NSL1: variants seen among roughly 807,000 people sequenced by gnomAD.
The protein encoded by NSL1 is NSL1 component of MIS12 kinetochore complex.
In NSL1, 11 loss-of-function variants were observed where a neutral mutation model predicts 25.4. That is an observed-to-expected ratio of 0.43 (90% CI 0.27 to 0.72). The LOEUF is 0.72. Among genes scored for constraint, NSL1 ranks in the 30% least tolerant of loss-of-function variants. The probability of loss-of-function intolerance (pLI) is 0.19; values close to 1 mark genes in which losing one functional copy is unlikely to be tolerated. For synonymous variants in NSL1, 118 were observed against 120.6 expected, an observed-to-expected ratio of 0.98 and a Z score of 0.14; for missense variants, 330 against 342.7, an observed-to-expected ratio of 0.96 and a Z score of 0.29.
intron 3 of NSL1, among the ~76,000 whole-genome samples, chr1:212,782,741 A>G (rs940576053): frequency 2.6e-5 from 4 of 152,212 alleles, no homozygotes; most frequent in Non-Finnish European, 5.9e-5. Flanking sequence ...GTAGTCTCCA[A>G]TTATGAAGGG....
At chr1:212,757,989 A>G (rs1659392727) in intron 4 of NSL1, among the ~76,000 whole-genome samples, 1 of 152,230 alleles carries the variant, frequency 6.6e-6, no homozygotes, top group Admixed American at 6.5e-5. Context: ...ATCATGCAAT[A>G]TATCATAATA....
intron 1 of NSL1, among the ~76,000 whole-genome samples, chr1:212,790,225 C>T (rs1368654164): frequency 6.6e-6 from 1 of 152,124 alleles, no homozygotes; most frequent in Non-Finnish European, 1.5e-5. Flanking sequence ...GACGGGGTTT[C>T]ACCATGTTAG....
At chr1:212,743,790 T>A (rs1658618211) in intron 4 of NSL1, among the ~76,000 whole-genome samples, 1 of 152,128 alleles carries the variant, frequency 6.6e-6, no homozygotes, top group African/African-American at 2.4e-5. Flanking sequence ...GCAAGTGAAA[T>A]CTGGTAGGAG....
rs575746203 is a variant in NSL1, at chr1:212,786,638, T to C, written c.313+921A>G. On this transcript the variant is annotated intron_variant, in intron 2 of 5. Transcript: ENST00000366977. Reference sequence around the variant, plus strand: ...GCCTGGCCAACATGGTAAAACCCCATCTCTGTTAAAAATACAAAAATGAGC... The same window carrying C: ...GCCTGGCCAACATGGTAAAACCCCACCTCTGTTAAAAATACAAAAATGAGC... 7.4e-4 allele frequency among the ~76,000 whole-genome samples: 113 copies of C among 152,112 alleles called. 1 individual carries two copies. Among genetic ancestry groups the C allele is most frequent in the African/African-American group, 2.7e-3 (112 of 41,494 alleles).
chr1:212,755,343 T>G (rs1003361770), intron 4 of NSL1, among the ~76,000 whole-genome samples: 4 of 150,900 alleles, frequency 2.7e-5, no homozygotes, highest in African/African-American at 4.9e-5. Context: ...AATATAGGAG[T>G]CCTCAGATAA....
intron 4 of NSL1, among the ~76,000 whole-genome samples, chr1:212,779,704 C>T (rs1412270666): frequency 9.4e-6 from 1 of 106,340 alleles, no homozygotes; most frequent in African/African-American, 3.5e-5. Flanking sequence ...CCCCACTGCC[C>T]GGCCAGCCGC....
chr1:212,743,344 T>C (rs1457903397), intron 4 of NSL1, among the ~76,000 whole-genome samples: 1 of 152,136 alleles, frequency 6.6e-6, no homozygotes, highest in Non-Finnish European at 1.5e-5. Flanking sequence ...TTTGCATTTT[T>C]AGTAGAGACA....
Position 212,728,959 on chromosome 1 carries a change from GA to G in NSL1, c.*9448del. 2.0e-6 allele frequency: 2 copies of G among 985,260 alleles called. No homozygotes were observed. Among genetic ancestry groups the G allele is most frequent in the Non-Finnish European group, 2.4e-6 (2 of 829,876 alleles). 61.0% of individuals were successfully genotyped at this position (985,260 alleles called of 1,614,324 possible). ...ACGTTTGTTCCCTTTGAATATGAAA[GA>G]AAAAGAAATGAGGAGTAATTTTAGT... On this transcript the variant is annotated 3_prime_UTR_variant, in exon 6 of 6. Coordinates refer to ENST00000366977, the MANE Select transcript of NSL1 (RefSeq NM_015471.4).
chr1:212,762,736 G>A (rs1207987111), intron 4 of NSL1, among the ~76,000 whole-genome samples: 2 of 152,200 alleles, frequency 1.3e-5, no homozygotes, highest in Non-Finnish European at 2.9e-5. Context: ...CCGAGAGCTG[G>A]AATGGATTTA....
chr1:212,775,616 AC>A (rs1660325631), intron 4 of NSL1, among the ~76,000 whole-genome samples: 3 of 151,824 alleles, frequency 2.0e-5, no homozygotes, highest in African/African-American at 7.3e-5. Flanking sequence ...AAAAAACAAA[AC>A]AAAACTCAAT....
At chr1:212,745,583 T>TA (rs1406349631) in intron 4 of NSL1, among the ~76,000 whole-genome samples, 3 of 152,120 alleles carry the variant, frequency 2.0e-5, no homozygotes, top group African/African-American at 7.2e-5. Flanking sequence ...GAAAGACTTC[T>TA]AAAAAAATCT....
chr1:212,727,973 G>C lies in NSL1; in HGVS notation c.*10435C>G, dbSNP rs1315892959. ...GTCTGAGACTCTGGACAAGGCCTTT[G>C]CTGTGAACCACGGGGAGAAGGTGGA... On this transcript the variant is annotated 3_prime_UTR_variant, in exon 6 of 6. Transcript: ENST00000366977. 1.0e-6 allele frequency: 1 copy of C among 985,326 alleles called. No homozygotes were observed. The highest frequency in any genetic ancestry group is 1.2e-6 in the Non-Finnish European group (1 of 829,926). 61.0% of individuals were successfully genotyped at this position (985,326 alleles called of 1,614,324 possible).
At chr1:212,743,229 A>G (rs935563623) in intron 4 of NSL1, among the ~76,000 whole-genome samples, 1 of 151,666 alleles carries the variant, frequency 6.6e-6, no homozygotes, top group Non-Finnish European at 1.5e-5. Flanking sequence ...CAGTGGTGCG[A>G]TCTCAGCTCA....
At chr1:212,778,583 T>C (rs902675992) in intron 4 of NSL1, among the ~76,000 whole-genome samples, 1 of 152,138 alleles carries the variant, frequency 6.6e-6, no homozygotes, top group African/African-American at 2.4e-5. Context: ...ATTTTTTTGG[T>C]GGAGACGGGG....
intron 4 of NSL1, among the ~76,000 whole-genome samples, chr1:212,749,011 AT>A (rs1188666823): frequency 2.0e-5 from 3 of 152,192 alleles, no homozygotes; most frequent in African/African-American, 4.8e-5. Flanking sequence ...TATTAAAAAA[AT>A]ATAATCAATA....
At position 212,738,449 on chromosome 1, in the gene NSL1, A is replaced by G. The variant is rs1312326472; in HGVS notation, c.805T>C (p.Trp269Arg). Reference sequence around the variant, plus strand: ...ATTTTCTTTGGCCGCAATGGATACCATTTTCTCTGGGGGCAGTCTTTAGTT... The same window carrying G: ...ATTTTCTTTGGCCGCAATGGATACCGTTTTCTCTGGGGGCAGTCTTTAGTT... ...KQTKDCPQRK[W>R]YPLRPKKINL... Residue 269 changes from tryptophan to arginine, a missense_variant, in exon 6 of 6, where the codon TGG becomes CGG. Coordinates refer to ENST00000366977, the MANE Select transcript of NSL1 (RefSeq NM_015471.4). 1.2e-6 allele frequency: 2 copies of G among 1,613,638 alleles called. No homozygotes were observed. Among genetic ancestry groups the G allele is most frequent in the Non-Finnish European group, 8.5e-7 (1 of 1,179,908 alleles).
intron 2 of NSL1, among the ~76,000 whole-genome samples, chr1:212,785,336 G>A (rs977926491): frequency 2.6e-5 from 4 of 152,080 alleles, no homozygotes; most frequent in African/African-American, 9.7e-5. Flanking sequence ...GAGTATGTTA[G>A]GAGTACAGAT....
chr1:212,747,155 A>G (rs1658835995), intron 4 of NSL1, among the ~76,000 whole-genome samples: 1 of 149,600 alleles, frequency 6.7e-6, no homozygotes, highest in South Asian at 2.1e-4. Flanking sequence ...GATGGCCCCC[A>G]GTGATCTCTG....
chr1:212,742,465 A>G (rs1390092102), intron 4 of NSL1, among the ~76,000 whole-genome samples: 1 of 152,230 alleles, frequency 6.6e-6, no homozygotes, highest in Non-Finnish European at 1.5e-5. Context: ...TAGGAAGTAC[A>G]TTATTTCTAC....
Sources: gnomAD v4.1 joint callset for allele counts (sites outside exome capture counted in the v4.1 genomes callset) on GRCh38, gnomAD v4.1.1 for gene constraint, MANE v1.5 for transcripts, NCBI Gene and HGNC (gene_info 2026-07-23, HGNC 2026-07-21) for gene names.